Variants in MAGI2 observed in about 807,000 individuals in gnomAD.
The protein encoded by MAGI2 is membrane-associated guanylate kinase, WW and PDZ domain-containing protein 2.
A neutral mutation model predicts 133.3 loss-of-function variants in MAGI2; 35 were observed. That is an observed-to-expected ratio of 0.26 (90% CI 0.20 to 0.35). The LOEUF is 0.35. Among genes scored for constraint, MAGI2 ranks in the 10% least tolerant of loss-of-function variants. The pLI, the probability that MAGI2 is intolerant of heterozygous loss-of-function variation, is 1.00. For synonymous variants in MAGI2, 729 were observed against 710.6 expected, an observed-to-expected ratio of 1.03 and a Z score of -0.41; for missense variants, 1,636 against 1,863.4, an observed-to-expected ratio of 0.88 and a Z score of 2.25.
At chr7:79,131,216 A>AT (rs1387556378) in intron 1 of MAGI2, among the ~76,000 whole-genome samples, 9 of 152,302 alleles carry the variant, frequency 5.9e-5, no homozygotes, top group African/African-American at 1.7e-4. Flanking sequence ...AGTGCTGTTC[A>AT]TACTGTTCTT....
At position 78,709,886 on chromosome 7, in the gene MAGI2, T is replaced by G. The variant is rs143959035; in HGVS notation, c.419-82647A>C. ...ACTCTGCTCCCTCATAACTTCCCAG[T>G]ATTTACCCTGTACAGCATGTTTCTC... On this transcript the variant is annotated intron_variant, in intron 2 of 21. Coordinates refer to ENST00000354212, the MANE Select transcript of MAGI2 (RefSeq NM_012301.4). 4.1e-3 allele frequency among the ~76,000 whole-genome samples: 628 copies of G among 152,270 alleles called. 6 individuals carry two copies. The highest frequency in any genetic ancestry group is 0.015 in the African/African-American group (608 of 41,558).
intron 9 of MAGI2, among the ~76,000 whole-genome samples, chr7:78,322,026 G>A (rs1788057644): frequency 6.6e-6 from 1 of 152,122 alleles, no homozygotes; most frequent in South Asian, 2.1e-4. Context: ...ATGATTACTG[G>A]TCATTAGAGA....
intron 1 of MAGI2, among the ~76,000 whole-genome samples, chr7:79,235,382 C>T (rs1831814994): frequency 1.3e-5 from 2 of 152,124 alleles, no homozygotes; most frequent in East Asian, 1.9e-4. Context: ...GGCGGGCGCC[C>T]CTCCCCCAGC....
intron 19 of MAGI2, 139 bp from the exon 20 acceptor site, chr7:78,125,976 C>T: frequency 1.2e-6 from 1 of 865,324 alleles, no homozygotes; most frequent in African/African-American, 1.7e-5. Flanking sequence ...CGTAATCTGG[C>T]TTCATAAACT....
chr7:78,639,386 T>C (rs1199327758), intron 2 of MAGI2, among the ~76,000 whole-genome samples: 1 of 152,082 alleles, frequency 6.6e-6, no homozygotes, highest in African/African-American at 2.4e-5. Flanking sequence ...CATACCAAAT[T>C]ATCATGGAGG....
At chr7:79,315,755 C>T (rs1373144401) in intron 1 of MAGI2, among the ~76,000 whole-genome samples, 1 of 151,958 alleles carries the variant, frequency 6.6e-6, no homozygotes, top group Non-Finnish European at 1.5e-5. Flanking sequence ...TGGGCAAAAG[C>T]AGAGAGATGA....
intron 1 of MAGI2, among the ~76,000 whole-genome samples, chr7:79,106,721 A>G (rs1188770263): frequency 6.6e-6 from 1 of 152,194 alleles, no homozygotes; most frequent in African/African-American, 2.4e-5. Flanking sequence ...ACCAGGTGAA[A>G]ATAAATACAT....
chr7:79,036,552 G>A (rs1022408696), intron 1 of MAGI2, among the ~76,000 whole-genome samples: 1 of 152,166 alleles, frequency 6.6e-6, no homozygotes, highest in South Asian at 2.1e-4. Flanking sequence ...GTTTAAAGCC[G>A]TTAAGCAAGA....
At chr7:79,239,476 AACTTTACCGACCGTAAT>A (rs1361776920) in intron 1 of MAGI2, among the ~76,000 whole-genome samples, 1 of 152,182 alleles carries the variant, frequency 6.6e-6, no homozygotes, top group Admixed American at 6.5e-5. Flanking sequence ...CATTTATCAA[AACTTTACCGACCGTAAT>A]ACACCCTGAG....
chr7:78,547,454 ATTGT>A (rs1563152453), intron 3 of MAGI2, among the ~76,000 whole-genome samples: 1 of 152,224 alleles, frequency 6.6e-6, no homozygotes, highest in East Asian at 1.9e-4. Context: ...TATTGGTATG[ATTGT>A]TCTAGACTTT....
intron 9 of MAGI2, among the ~76,000 whole-genome samples, chr7:78,306,055 T>C (rs146552572): frequency 4.8e-4 from 73 of 152,288 alleles, no homozygotes; most frequent in Admixed American, 9.2e-4. Flanking sequence ...AAAATACCCA[T>C]TGCAAGTCGT....
chr7:79,091,075 C>T (rs894283848), intron 1 of MAGI2, among the ~76,000 whole-genome samples: 1 of 151,790 alleles, frequency 6.6e-6, no homozygotes, highest in Admixed American at 6.6e-5. Context: ...ATATTATTAC[C>T]TCTTATCTTC....
chr7:78,099,142 T>A (rs925323813), intron 20 of MAGI2, among the ~76,000 whole-genome samples: 1 of 152,202 alleles, frequency 6.6e-6, no homozygotes, highest in East Asian at 1.9e-4. Context: ...ATGTATTAAG[T>A]ATCAGTTCCT....
chr7:79,443,763 A>G (rs1333629016), intron 1 of MAGI2, among the ~76,000 whole-genome samples: 1 of 152,242 alleles, frequency 6.6e-6, no homozygotes, highest in Non-Finnish European at 1.5e-5. Context: ...AATTCAATTT[A>G]TGCTGGAATT....
chr7:78,573,244 A>T (rs1377819563), intron 3 of MAGI2, among the ~76,000 whole-genome samples: 1 of 55,968 alleles, frequency 1.8e-5, no homozygotes, highest in African/African-American at 7.6e-5. Context: ...ATATATATAT[A>T]TAAATATATA....
intron 6 of MAGI2, among the ~76,000 whole-genome samples, chr7:78,469,774 T>C (rs1791004264): frequency 6.6e-6 from 1 of 152,128 alleles, no homozygotes; most frequent in African/African-American, 2.4e-5. Context: ...ATCCTGAGAA[T>C]ACTGGATCTC....
intron 6 of MAGI2, among the ~76,000 whole-genome samples, chr7:78,475,490 G>A (rs1791654256): frequency 6.6e-6 from 1 of 151,806 alleles, no homozygotes; most frequent in Non-Finnish European, 1.5e-5. Context: ...AAGATTAGAA[G>A]AACACAGGTA....
At position 78,322,986 on chromosome 7, in the gene MAGI2, A is replaced by G. The variant is rs536972139; in HGVS notation, c.1408+20792T>C. Among the ~76,000 whole-genome samples the G allele has an allele frequency of 3.3e-5, 5 of 152,018 alleles. No homozygotes were observed. In the East Asian group the frequency reaches 7.7e-4, roughly 24 times the overall value. The stretch of plus-strand genomic sequence containing the variant: ...TGGAAGTCCTATAAAGAAAAATATC[A>G]AAAATATTGAGCATTTTCTCATCTA... On this transcript the variant is annotated intron_variant, in intron 9 of 21. Coordinates refer to ENST00000354212, the MANE Select transcript of MAGI2 (RefSeq NM_012301.4).
intron 9 of MAGI2, among the ~76,000 whole-genome samples, chr7:78,338,777 C>A (rs1443915851): frequency 6.6e-6 from 1 of 152,136 alleles, no homozygotes; most frequent in Non-Finnish European, 1.5e-5. Context: ...AAACTCTTTT[C>A]CAATGAGAGA....
Sources: allele counts gnomAD v4.1 joint callset (sites outside exome capture counted in the v4.1 genomes callset), GRCh38; gene constraint gnomAD v4.1.1; transcripts MANE v1.5; gene names NCBI Gene and HGNC (gene_info 2026-07-23, HGNC 2026-07-21).